The following AFF4 variants were observed in gnomAD, a reference collection of about 807,000 sequenced individuals.
AFF4 encodes AF4/FMR2 family member 4.
In AFF4, 13 loss-of-function variants were observed where a neutral mutation model predicts 124.8. That is an observed-to-expected ratio of 0.10 (90% CI 0.07 to 0.17). AFF4 has a LOEUF of 0.17. Among genes scored for constraint, AFF4 ranks in the 10% least tolerant of loss-of-function variants. The probability of loss-of-function intolerance (pLI) is 1.00; values close to 1 mark genes in which losing one functional copy is unlikely to be tolerated. For synonymous variants in AFF4, 477 were observed against 496.1 expected (o/e 0.96, Z 0.51); for missense variants, 1,092 against 1,403.8 (o/e 0.78, Z 3.55).
chr5:132,935,787 G>A (rs1001677461), intron 2 of AFF4, among the ~76,000 whole-genome samples: 36 of 151,564 alleles, frequency 2.4e-4, no homozygotes, highest in African/African-American at 8.5e-4. Flanking sequence ...GCCCGGCAAG[G>A]TGGTGCACGC....
chr5:132,905,005 G>A (rs1378600376), intron 5 of AFF4, among the ~76,000 whole-genome samples: 8 of 146,172 alleles, frequency 5.5e-5, no homozygotes, highest in African/African-American at 7.6e-5. Context: ...AGCCGAGATC[G>A]CGCCACTGCA....
At chr5:132,947,055 ATAAAT>A (rs1761716451) in intron 1 of AFF4, among the ~76,000 whole-genome samples, 1 of 151,856 alleles carries the variant, frequency 6.6e-6, no homozygotes, top group African/African-American at 2.4e-5. Flanking sequence ...TCTGTCTCAA[ATAAAT>A]TAAATAAGTA....
intron 3 of AFF4, 32 bp from the exon 4 acceptor site, chr5:132,932,254 T>C (rs1761317989): frequency 3.2e-6 from 5 of 1,582,648 alleles, no homozygotes; most frequent in Non-Finnish European, 4.3e-6. Context: ...CATTAGATTT[T>C]TATCAGTAGA....
intron 5 of AFF4, among the ~76,000 whole-genome samples, chr5:132,916,081 C>T (rs1001264314): frequency 3.3e-5 from 5 of 151,410 alleles, no homozygotes; most frequent in African/African-American, 1.2e-4. Context: ...CCTGTCTCTA[C>T]TAAAAAATTA....
At chr5:132,900,938 C>T (rs1263929371) in intron 7 of AFF4, 2 of 984,816 alleles carry the variant, frequency 2.0e-6, no homozygotes, top group African/African-American at 3.5e-5. Flanking sequence ...CTATTAACTA[C>T]TTGTACTTTT....
chr5:132,947,260 G>A (rs893931294), intron 1 of AFF4, among the ~76,000 whole-genome samples: 15 of 149,384 alleles, frequency 1.0e-4, no homozygotes, highest in South Asian at 6.4e-4. Context: ...AAAATTAGCC[G>A]GGTGTGGTAA....
intron 20 of AFF4, 144 bp downstream of exon 20, chr5:132,883,196 C>A: frequency 1.3e-6 from 1 of 789,066 alleles, no homozygotes; most frequent in Non-Finnish European, 1.9e-6. Context: ...TGTTTAACTG[C>A]TAAGCAATGA....
chr5:132,935,579 T>C (rs1027813328), intron 2 of AFF4, among the ~76,000 whole-genome samples: 1 of 152,066 alleles, frequency 6.6e-6, no homozygotes, highest in African/African-American at 2.4e-5. Context: ...GAGACCAGCC[T>C]GGCCAACATG....
chr5:132,893,870 A>C (rs1301903607), intron 11 of AFF4, among the ~76,000 whole-genome samples: 1 of 152,202 alleles, frequency 6.6e-6, no homozygotes, highest in Non-Finnish European at 1.5e-5. Flanking sequence ...GACACTGGCA[A>C]TCACATTTCA....
rs755532433 is a variant in AFF4 at position 132,899,688 on chromosome 5, G to A, written c.1134-47C>T. 12 of 1,516,688 alleles carry A rather than the reference G, an allele frequency of 7.9e-6. No individual in the cohort carries two copies. The South Asian group carries it at 1.3e-4, about 16-fold the overall frequency. 94.0% of individuals were successfully genotyped at this position (1,516,688 alleles called of 1,614,324 possible). On this transcript the variant is annotated intron_variant, in intron 7 of 20. Transcript: ENST00000265343. Reference sequence around the variant, plus strand: ...TTATTATTTTTGGAACAGTTTACATGGTATGCCAGAGTACTAAATATCTAC... The same window carrying A: ...TTATTATTTTTGGAACAGTTTACATAGTATGCCAGAGTACTAAATATCTAC...
chr5:132,944,591 G>A lies in AFF4; in HGVS notation c.-4-7398C>T, dbSNP rs370320963. The stretch of plus-strand genomic sequence containing the variant: ...GAGCCTGAGAGGTGGAAGTTCAAAT[G>A]AGTCAAGGTAGTATCACTGCACTCC... On this transcript the variant is annotated intron_variant, in intron 1 of 20. Coordinates refer to ENST00000265343, the MANE Select transcript of AFF4 (RefSeq NM_014423.4). 1.1e-4 allele frequency among the ~76,000 whole-genome samples: 17 copies of A among 152,222 alleles called. No individual in the cohort carries two copies. The East Asian group carries it at 3.1e-3, about 28-fold the overall frequency.
chr5:132,917,713 T>TCTTTTC (rs1561494322), intron 5 of AFF4, among the ~76,000 whole-genome samples: 9 of 134,290 alleles, frequency 6.7e-5, no homozygotes, highest in African/African-American at 2.5e-4. Flanking sequence ...TTCTTTTTTT[T>TCTTTTC]TTTTTTTTTT....
chr5:132,916,184 A>G (rs1413923256), intron 5 of AFF4, among the ~76,000 whole-genome samples: 1 of 136,234 alleles, frequency 7.3e-6, no homozygotes. Context: ...GGTTGCAATG[A>G]GCTGATATCA....
intron 1 of AFF4, among the ~76,000 whole-genome samples, chr5:132,951,450 A>T (rs763312076): frequency 6.6e-5 from 10 of 152,232 alleles, no homozygotes; most frequent in Admixed American, 1.3e-4. Context: ...TCTCCTGATC[A>T]CATCTCCAAG....
At chr5:132,939,576 T>G (rs972240068) in intron 1 of AFF4, among the ~76,000 whole-genome samples, 3 of 152,198 alleles carry the variant, frequency 2.0e-5, no homozygotes, top group Non-Finnish European at 4.4e-5. Flanking sequence ...TAACTACCAG[T>G]TTCCTTAAAT....
chr5:132,934,198 G>A lies in AFF4; in HGVS notation c.867C>T (p.Pro289=), dbSNP rs1761365494. The A allele has an allele frequency of 4.3e-6, 7 of 1,614,168 alleles. No homozygotes were observed. The highest frequency in any genetic ancestry group is 3.4e-6 in the Non-Finnish European group (4 of 1,180,028). The change falls in exon 3 of 21, where the codon CCC becomes CCT. Residue 289 remains proline (P), a synonymous_variant. Transcript: ENST00000265343. The stretch of plus-strand genomic sequence containing the variant: ...GCTTGGTGAGATGTGCTTTGCTGCT[G>A]GGCTTCAGCTCAGTCATGCTGTTGC... ...SHGNSMTELK[P]SSKAHLTKLK...
intron 1 of AFF4, among the ~76,000 whole-genome samples, chr5:132,959,528 T>C (rs1282017909): frequency 6.6e-6 from 1 of 152,118 alleles, no homozygotes; most frequent in Non-Finnish European, 1.5e-5. Flanking sequence ...TTTGGAATAC[T>C]CTGGAATTGA....
chr5:132,904,535 T>C (rs1189547314), intron 5 of AFF4, 131 bp from the exon 6 acceptor site: 1 of 780,780 alleles, frequency 1.3e-6, no homozygotes, highest in African/African-American at 1.8e-5. Context: ...TCCTGTCTGA[T>C]CAGCCTTGGC....
intron 4 of AFF4, among the ~76,000 whole-genome samples, chr5:132,931,535 T>C (rs1761300208): frequency 6.6e-6 from 1 of 152,254 alleles, no homozygotes; most frequent in Admixed American, 6.5e-5. Flanking sequence ...ATGGTTTGAC[T>C]GATAACTACT....
Sources: gnomAD v4.1 joint callset for allele counts (sites outside exome capture counted in the v4.1 genomes callset) on GRCh38, gnomAD v4.1.1 for gene constraint, MANE v1.5 for transcripts, NCBI Gene and HGNC (gene_info 2026-07-23, HGNC 2026-07-21) for gene names.